Variants in RUNDC3B observed in about 807,000 individuals in gnomAD.
RUNDC3B encodes the protein RUN domain containing 3B.
RUNDC3B carries 33 observed loss-of-function variants against 58.4 expected under a neutral mutation model. The ratio of observed to expected loss-of-function variants is 0.56; its 90% CI spans 0.43 to 0.75. The LOEUF is 0.75. Ranked by LOEUF, RUNDC3B falls within the 30% of genes least tolerant of loss-of-function variation. The probability of loss-of-function intolerance (pLI) is 0.00; values close to 1 mark genes in which losing one functional copy is unlikely to be tolerated. For missense variants in RUNDC3B, 501 were observed against 535.7 expected (o/e 0.94, Z 0.64); for synonymous variants, 193 against 195.2 (o/e 0.99, Z 0.10).
At chr7:87,802,055 T>C (rs1836191922) in intron 8 of RUNDC3B, among the ~76,000 whole-genome samples, 1 of 152,256 alleles carries the variant, frequency 6.6e-6, no homozygotes, top group South Asian at 2.1e-4. Flanking sequence ...CTTATTGTAT[T>C]GCATTATATT....
chr7:87,628,606 T>C lies in RUNDC3B; in HGVS notation c.-218T>C, dbSNP rs1584940014. 5.6e-6 allele frequency: 2 copies of C among 358,808 alleles called. No individual in the cohort carries two copies. Among genetic ancestry groups the C allele is most frequent in the Non-Finnish European group, 9.9e-6 (2 of 201,042 alleles). The allele number at this position is 358,808 out of a possible 1,614,324, so 22.2% of individuals were successfully genotyped here. Reference sequence around the variant, plus strand: ...GTGCGTGTGTGTGTGTGTGTGTGTGTGTGTGTGTGTGTGTGTGTGGAGCTC... The same window carrying C: ...GTGCGTGTGTGTGTGTGTGTGTGTGCGTGTGTGTGTGTGTGTGTGGAGCTC... On this transcript the variant is annotated 5_prime_UTR_variant, in exon 1 of 11. Transcript: ENST00000394654.
chr7:87,748,819 AAAG>A, intron 6 of RUNDC3B, among the ~76,000 whole-genome samples: 1 of 152,328 alleles, frequency 6.6e-6, no homozygotes, highest in Non-Finnish European at 1.5e-5. Context: ...GGTGAGGGAA[AAAG>A]AAGAATAGAG....
At chr7:87,700,900 G>A (rs755884790) in intron 3 of RUNDC3B, among the ~76,000 whole-genome samples, 1 of 152,154 alleles carries the variant, frequency 6.6e-6, no homozygotes, top group Non-Finnish European at 1.5e-5. Context: ...ACCTTAGCAC[G>A]AATTAATGCA....
intron 4 of RUNDC3B, chr7:87,713,420 G>A (rs796211148): frequency 7.2e-5 from 11 of 152,236 alleles, no homozygotes; most frequent in African/African-American, 2.6e-4. Flanking sequence ...TGGAGGAAGG[G>A]TGGGAGTAGA....
In RUNDC3B at chr7:87,628,618, TG is replaced by T. The variant is rs1820855604; in HGVS notation, c.-205del. ...GTGTGTGTGTGTGTGTGTGTGTGTGTGTGTGTGGAGCTCGGGTGCCAAGGGC... is the reference window on the plus strand; with the variant it reads ...GTGTGTGTGTGTGTGTGTGTGTGTGTTGTGTGGAGCTCGGGTGCCAAGGGC... On this transcript the variant is annotated 5_prime_UTR_variant, in exon 1 of 11. Transcript: ENST00000394654. 8 of 306,340 alleles carry T rather than the reference TG, an allele frequency of 2.6e-5. No individual in the cohort carries two copies. Among genetic ancestry groups the T allele is most frequent in the Non-Finnish European group, 4.1e-5 (7 of 172,264 alleles). The allele number at this position is 306,340 out of a possible 1,614,324, so 19.0% of individuals were successfully genotyped here. A position where few individuals can be genotyped will look rare whatever the true frequency, so the allele number is the denominator to read the frequency against.
chr7:87,697,749 C>G (rs117327090), intron 2 of RUNDC3B, among the ~76,000 whole-genome samples: 2 of 152,184 alleles, frequency 1.3e-5, no homozygotes, highest in Admixed American at 1.3e-4. Context: ...ATCCTTACAA[C>G]AGTACTATCC....
At chr7:87,816,914 T>TC (rs2130952134) in intron 10 of RUNDC3B, among the ~76,000 whole-genome samples, 1 of 152,354 alleles carries the variant, frequency 6.6e-6, no homozygotes, top group African/African-American at 2.4e-5. Flanking sequence ...AAAGCTCTTT[T>TC]CTTTCTCTCC....
chr7:87,783,862 G>C (rs1259116593), intron 8 of RUNDC3B, among the ~76,000 whole-genome samples: 2 of 152,118 alleles, frequency 1.3e-5, no homozygotes, highest in Non-Finnish European at 2.9e-5. Context: ...TTTCTGTTGG[G>C]AAGTCTACTG....
intron 9 of RUNDC3B, among the ~76,000 whole-genome samples, chr7:87,808,827 T>C (rs1836567054): frequency 6.6e-6 from 1 of 152,126 alleles, no homozygotes; most frequent in South Asian, 2.1e-4. Context: ...TAATTTATGA[T>C]TGAAAAATTA....
intron 2 of RUNDC3B, among the ~76,000 whole-genome samples, chr7:87,688,716 G>A (rs1284027723): frequency 1.3e-5 from 2 of 151,728 alleles, no homozygotes; most frequent in Admixed American, 6.6e-5. Context: ...GTTCTGTAAT[G>A]TTTTATATTG....
At position 87,650,967 on chromosome 7, in the gene RUNDC3B, C is replaced by G. The variant is rs1206301366; in HGVS notation, c.238+30C>G. Reference sequence around the variant, plus strand: ...AAGCACTAATGTACTATTTATTTTCCCACCAGCTGTCTTTATAATAAGCTT... The same window carrying G: ...AAGCACTAATGTACTATTTATTTTCGCACCAGCTGTCTTTATAATAAGCTT... On this transcript the variant is annotated intron_variant, in intron 2 of 10. Transcript: ENST00000394654. 5 of 1,266,700 alleles carry G rather than the reference C, an allele frequency of 3.9e-6. No homozygotes were observed. The South Asian group carries it at 4.9e-5, about 12-fold the overall frequency. The allele number at this position is 1,266,700 out of a possible 1,614,324, so 78.5% of individuals were successfully genotyped here. A position where few individuals can be genotyped will look rare whatever the true frequency, so the allele number is the denominator to read the frequency against.
chr7:87,669,626 T>C (rs987016983), intron 2 of RUNDC3B, among the ~76,000 whole-genome samples: 2 of 152,222 alleles, frequency 1.3e-5, no homozygotes, highest in African/African-American at 4.8e-5. Context: ...TTCCTTTCTA[T>C]ATAGTGCTCC....
At chr7:87,724,893 A>C (rs1175976728) in intron 4 of RUNDC3B, among the ~76,000 whole-genome samples, 1 of 152,060 alleles carries the variant, frequency 6.6e-6, no homozygotes, top group Non-Finnish European at 1.5e-5. Context: ...GTGATAATTT[A>C]CTTTTGTTTT....
chr7:87,718,207 G>A (rs184877454), intron 4 of RUNDC3B, among the ~76,000 whole-genome samples: 18 of 152,256 alleles, frequency 1.2e-4, no homozygotes, highest in African/African-American at 4.1e-4. Flanking sequence ...GTTTCTAGGA[G>A]TCCTTTCCCT....
chr7:87,806,389 T>C (rs1446120515), intron 8 of RUNDC3B, among the ~76,000 whole-genome samples: 1 of 152,184 alleles, frequency 6.6e-6, no homozygotes. Flanking sequence ...AGGACTTTTA[T>C]CTGTGGAAGT....
rs189077613 is a variant in RUNDC3B, at chr7:87,736,729, A to G, written c.459-3062A>G. On this transcript the variant is annotated intron_variant, in intron 4 of 10. Transcript: ENST00000394654. ...TTTTACTTTGGTACTTTCAACATTT[A>G]TAATATGTTGAACTTAAGCAGTACA... Among the ~76,000 whole-genome samples the G allele has an allele frequency of 2.8e-3, 418 of 148,848 alleles. 4 individuals are homozygous for G. Among genetic ancestry groups the G allele is most frequent in the Admixed American group, 0.012 (185 of 14,840 alleles).
chr7:87,718,936 G>A (rs1422127567), intron 4 of RUNDC3B, among the ~76,000 whole-genome samples: 1 of 151,974 alleles, frequency 6.6e-6, no homozygotes, highest in Non-Finnish European at 1.5e-5. Context: ...ATTTGTAGAT[G>A]ATAAGGTTTT....
At chr7:87,673,768 G>C (rs1826056053) in intron 2 of RUNDC3B, among the ~76,000 whole-genome samples, 1 of 152,212 alleles carries the variant, frequency 6.6e-6, no homozygotes, top group East Asian at 1.9e-4. Context: ...TAGTTGTTTG[G>C]AGGTAATAAG....
intron 3 of RUNDC3B, among the ~76,000 whole-genome samples, chr7:87,703,927 T>TG (rs1829359951): frequency 8.5e-6 from 1 of 117,916 alleles, no homozygotes; most frequent in African/African-American, 3.2e-5. Flanking sequence ...TTTTTTTTTT[T>TG]TTTTTTTTTT....
Sources: allele counts gnomAD v4.1 joint callset (sites outside exome capture counted in the v4.1 genomes callset), GRCh38; gene constraint gnomAD v4.1.1; transcripts MANE v1.5; gene names NCBI Gene and HGNC (gene_info 2026-07-23, HGNC 2026-07-21).